CACNA2D3: variants seen among roughly 807,000 people sequenced by gnomAD.
The protein encoded by CACNA2D3 is calcium voltage-gated channel auxiliary subunit alpha2delta 3.
CACNA2D3 carries 60 observed loss-of-function variants against 160.6 expected under a neutral mutation model. That is an observed-to-expected ratio of 0.37 (90% CI 0.30 to 0.46). The LOEUF is 0.46. Among genes scored for constraint, CACNA2D3 ranks in the 20% least tolerant of loss-of-function variants. CACNA2D3 has a pLI of 1.00. For missense variants in CACNA2D3, 1,205 were observed against 1,365.0 expected (o/e 0.88, Z 1.85); for synonymous variants, 558 against 492.9 (o/e 1.13, Z -1.75).
At chr3:54,349,346 G>A (rs920917597) in intron 3 of CACNA2D3, among the ~76,000 whole-genome samples, 7 of 152,228 alleles carry the variant, frequency 4.6e-5, no homozygotes, top group African/African-American at 9.6e-5. Context: ...TGAACGTTGC[G>A]CTTTCTCATT....
intron 11 of CACNA2D3, among the ~76,000 whole-genome samples, chr3:54,687,604 A>G (rs1414832143): frequency 2.0e-5 from 3 of 152,188 alleles, no homozygotes; most frequent in African/African-American, 4.8e-5. Flanking sequence ...ACCAAAAGGA[A>G]TCACTTGGGT....
intron 2 of CACNA2D3, among the ~76,000 whole-genome samples, chr3:54,205,418 T>C (rs893883464): frequency 2.0e-5 from 3 of 152,178 alleles, no homozygotes; most frequent in African/African-American, 7.2e-5. Context: ...AAGCAGCTCA[T>C]AACGCTAAGA....
At chr3:54,994,609 T>C (rs934375932) in intron 31 of CACNA2D3, among the ~76,000 whole-genome samples, 3 of 152,234 alleles carry the variant, frequency 2.0e-5, no homozygotes, top group African/African-American at 2.4e-5. Context: ...TTCATCATCA[T>C]GCAGTCTGTC....
At chr3:54,600,387 T>C (rs1703039222) in intron 9 of CACNA2D3, among the ~76,000 whole-genome samples, 1 of 152,192 alleles carries the variant, frequency 6.6e-6, no homozygotes, top group Non-Finnish European at 1.5e-5. Flanking sequence ...TGATCCTCCA[T>C]CGGTAACACT....
chr3:54,968,476 T>G lies in CACNA2D3; in HGVS notation c.2476T>G (p.Phe826Val). The stretch of plus-strand genomic sequence containing the variant: ...TGTAGGCATTCAGATGAAACTTGAA[T>G]TTTTCCAAAGGAAGTTCTGGACTGC... ...AAVGIQMKLE[F>V]FQRKFWTASR... The change falls in exon 28 of 38, where the codon TTT (phenylalanine) becomes GTT (valine). Residue 826 changes from phenylalanine (F) to valine (V), a missense_variant. By Grantham distance (50) the Phe-to-Val change is conservative. Around this residue, in one of 3 missense-constraint regions of CACNA2D3, gnomAD observed 911 missense variants for 1,002.2 expected, o/e 0.91. Transcript: ENST00000474759. The G allele has an allele frequency of 6.2e-7, 1 of 1,610,556 alleles. No homozygotes were observed. The highest frequency in any genetic ancestry group is 8.5e-7 in the Non-Finnish European group (1 of 1,178,232).
chr3:54,352,912 A>T (rs2107534681), intron 3 of CACNA2D3, among the ~76,000 whole-genome samples: 1 of 152,366 alleles, frequency 6.6e-6, no homozygotes, highest in South Asian at 2.1e-4. Flanking sequence ...TTTATGCGGC[A>T]CATGAGATGT....
intron 2 of CACNA2D3, among the ~76,000 whole-genome samples, chr3:54,311,415 C>G (rs1703740846): frequency 6.6e-6 from 1 of 152,202 alleles, no homozygotes; most frequent in Non-Finnish European, 1.5e-5. Flanking sequence ...ACTACATCTT[C>G]CAGGAAGCAG....
At chr3:54,650,284 C>T (rs568138465) in intron 11 of CACNA2D3, among the ~76,000 whole-genome samples, 9 of 152,076 alleles carry the variant, frequency 5.9e-5, no homozygotes, top group Middle Eastern at 3.4e-3. Context: ...CTGCAACCTC[C>T]GCCTCCCGGG....
At chr3:54,852,737 C>T (rs766796212) in intron 17 of CACNA2D3, among the ~76,000 whole-genome samples, 3 of 152,160 alleles carry the variant, frequency 2.0e-5, no homozygotes, top group Admixed American at 6.5e-5. Context: ...TAAATGTTCT[C>T]ACACTTTAGT....
intron 5 of CACNA2D3, among the ~76,000 whole-genome samples, chr3:54,506,207 T>C (rs1437867172): frequency 6.6e-6 from 1 of 152,076 alleles, no homozygotes; most frequent in African/African-American, 2.4e-5. Flanking sequence ...TGCAGGAATA[T>C]ATTTTATGTT....
chr3:54,898,987 G>T (rs7610851), intron 26 of CACNA2D3, among the ~76,000 whole-genome samples: 2,188 of 152,194 alleles, frequency 0.014, 44 homozygotes, highest in African/African-American at 0.05. Flanking sequence ...TTAAACTTGG[G>T]CCAGGAGAAA....
intron 27 of CACNA2D3, among the ~76,000 whole-genome samples, chr3:54,910,796 C>G (rs1339600446): frequency 6.6e-6 from 1 of 152,148 alleles, no homozygotes; most frequent in African/African-American, 2.4e-5. Flanking sequence ...TGCATTCACA[C>G]CCTCCCCCTC....
intron 3 of CACNA2D3, among the ~76,000 whole-genome samples, chr3:54,343,463 T>C (rs116894822): frequency 0.013 from 1,944 of 152,178 alleles, 26 homozygotes; most frequent in South Asian, 0.042. Flanking sequence ...AGCTAATTTT[T>C]TGTAGAGATG....
chr3:54,804,539 A>G (rs1458183563), intron 13 of CACNA2D3, among the ~76,000 whole-genome samples: 20 of 152,228 alleles, frequency 1.3e-4, no homozygotes, highest in Non-Finnish European at 5.9e-5. Flanking sequence ...AGGAGCACCC[A>G]GTTTCATAAA....
At chr3:55,032,597 G>A (rs1157008754) in intron 35 of CACNA2D3, among the ~76,000 whole-genome samples, 1 of 152,116 alleles carries the variant, frequency 6.6e-6, no homozygotes, top group African/African-American at 2.4e-5. Flanking sequence ...CTGGGTTTGA[G>A]ATCTCAATGC....
chr3:54,899,748 A>G (rs762617734), intron 26 of CACNA2D3, 40 bp from the exon 27 acceptor site: 77 of 1,393,226 alleles, frequency 5.5e-5, no homozygotes, highest in Non-Finnish European at 7.3e-5. Flanking sequence ...GTACACTGTA[A>G]TTATCTTCAT....
intron 35 of CACNA2D3, among the ~76,000 whole-genome samples, chr3:55,036,244 C>T (rs534882571): frequency 6.6e-6 from 1 of 151,732 alleles, no homozygotes. Context: ...GTGAGGAGTT[C>T]GAGACCAGCC....
intron 13 of CACNA2D3, among the ~76,000 whole-genome samples, chr3:54,807,331 C>CT (rs1703158097): frequency 6.6e-6 from 1 of 152,148 alleles, no homozygotes; most frequent in African/African-American, 2.4e-5. Flanking sequence ...TATCCAGAAT[C>CT]TACAATGAAC....
intron 11 of CACNA2D3, among the ~76,000 whole-genome samples, chr3:54,698,936 G>C (rs775322449): frequency 6.6e-6 from 1 of 152,148 alleles, no homozygotes; most frequent in East Asian, 1.9e-4. Context: ...TAACAACCAC[G>C]TGAATGCAGG....
Sources: gnomAD v4.1 joint callset for allele counts (sites outside exome capture counted in the v4.1 genomes callset) on GRCh38, gnomAD v4.1.1 for gene constraint, gnomAD v4.1.1 regional missense constraint, MANE v1.5 for transcripts, NCBI Gene and HGNC (gene_info 2026-07-23, HGNC 2026-07-21) for gene names.